RMND5B: variants seen among roughly 807,000 people sequenced by gnomAD.
RMND5B encodes the protein required for meiotic nuclear division 5 homolog B.
In RMND5B, 42 loss-of-function variants were observed where a neutral mutation model predicts 50.4. The ratio of observed to expected loss-of-function variants is 0.83; its 90% CI spans 0.65 to 1.08. RMND5B has a LOEUF of 1.08. RMND5B is among the 50% of genes least tolerant of loss of function. RMND5B has a pLI of 0.00. For synonymous variants in RMND5B, 220 were observed against 210.0 expected (o/e 1.05, Z -0.41); for missense variants, 463 against 508.5 (o/e 0.91, Z 0.86).
intron 2 of RMND5B, among the ~76,000 whole-genome samples, chr5:178,133,887 A>T (rs1395166028): frequency 6.6e-6 from 1 of 151,646 alleles, no homozygotes; most frequent in Non-Finnish European, 1.5e-5. Flanking sequence ...AATTTTTTGT[A>T]TTTTTTTAGT....
chr5:178,137,367 T>C lies in RMND5B; in HGVS notation c.-12-741T>C, dbSNP rs973143825. 3.3e-5 allele frequency among the ~76,000 whole-genome samples: 5 copies of C among 152,116 alleles called. No individual in the cohort carries two copies. In the South Asian group the frequency reaches 1.0e-3, roughly 31 times the overall value. On this transcript the variant is annotated intron_variant, in intron 2 of 10. Transcript: ENST00000313386. The surrounding 1 kb of genome is among the most constrained non-coding windows in gnomAD (Gnocchi z 4.4). Reference sequence around the variant, plus strand: ...TACGTAGAAAAGCAGTTCCTCTAACTGTAAGAATGTGGCCATAATAACTCT... The same window carrying C: ...TACGTAGAAAAGCAGTTCCTCTAACCGTAAGAATGTGGCCATAATAACTCT...
Position 178,148,058 on chromosome 5 carries a change from A to G in RMND5B, c.*26A>G. 1 of 1,610,912 alleles carries G rather than the reference A, an allele frequency of 6.2e-7. No individual in the cohort carries two copies. Among genetic ancestry groups the G allele is most frequent in the South Asian group, 1.1e-5 (1 of 91,008 alleles). ...TTCCTACCTGGAAGGAATTTTGTTGAAAGGGGTTTTCACCTGTGAGCCTTG... is the reference window on the plus strand; with the variant it reads ...TTCCTACCTGGAAGGAATTTTGTTGGAAGGGGTTTTCACCTGTGAGCCTTG... On this transcript the variant is annotated 3_prime_UTR_variant, in exon 11 of 11. Transcript: ENST00000313386.
Position 178,138,433 on chromosome 5 carries a change from C to CA in RMND5B, c.139+178dup. ...CTCTGAGCTACTTCAAAAAGCCCAA[C>CA]AAATTATTAATTTACCTGAGATGAT... On this transcript the variant is annotated intron_variant, in intron 3 of 10. Coordinates refer to ENST00000313386, the MANE Select transcript of RMND5B (RefSeq NM_022762.5). The surrounding 1 kb of genome is among the most constrained non-coding windows in gnomAD (Gnocchi z 5.1). 8 of 1,376,036 alleles carry CA rather than the reference C, an allele frequency of 5.8e-6. No homozygotes were observed. The highest frequency in any genetic ancestry group is 7.5e-6 in the Non-Finnish European group (8 of 1,067,162). The allele number at this position is 1,376,036 out of a possible 1,614,324, so 85.2% of individuals were successfully genotyped here. A position where few individuals can be genotyped will look rare whatever the true frequency, so the allele number is the denominator to read the frequency against.
chr5:178,143,016 A>T, intron 5 of RMND5B, 24 bp downstream of exon 5: 1 of 1,598,774 alleles, frequency 6.3e-7, no homozygotes, highest in Non-Finnish European at 8.5e-7. Flanking sequence ...GGGCGGGCGC[A>T]ACAACCTGCC....
intron 7 of RMND5B, 147 bp from the exon 8 acceptor site, chr5:178,145,967 G>A: frequency 1.4e-6 from 1 of 730,420 alleles, no homozygotes; most frequent in South Asian, 2.3e-5. Flanking sequence ...TTTGCCTGAG[G>A]GCATTTTCAT....
rs1448027868 is a variant in RMND5B, at chr5:178,137,171, A to C, written c.-12-937A>C. ...GGAAGCAGCATGTACCAGGGCACGC[A>C]GCTATGAGACAGCAAGGGTTCTGTG... is the stretch of plus-strand genomic sequence containing the variant. On this transcript the variant is annotated intron_variant, in intron 2 of 10. Transcript: ENST00000313386. The surrounding 1 kb of genome is among the most constrained non-coding windows in gnomAD (Gnocchi z 4.4). Among the ~76,000 whole-genome samples the C allele has an allele frequency of 6.6e-6, 1 of 152,124 alleles. No individual in the cohort carries two copies. The highest frequency in any genetic ancestry group is 1.9e-4 in the East Asian group (1 of 5,194).
At position 178,138,439 on chromosome 5, in the gene RMND5B, AT is replaced by A. The variant is rs1289888023; in HGVS notation, c.139+183del. On this transcript the variant is annotated intron_variant, in intron 3 of 10. Transcript: ENST00000313386. This position sits in a 1 kb window ranked among gnomAD's most constrained non-coding sequence, Gnocchi z 5.1. Reference sequence around the variant, plus strand: ...GCTACTTCAAAAAGCCCAACAAATTATTAATTTACCTGAGATGATTCCCATT... The same window carrying A: ...GCTACTTCAAAAAGCCCAACAAATTATAATTTACCTGAGATGATTCCCATT... The A allele has an allele frequency of 1.5e-6, 2 of 1,371,614 alleles. No individual in the cohort carries two copies. Among genetic ancestry groups the A allele is most frequent in the African/African-American group, 3.0e-5 (2 of 67,466 alleles). 85.0% of individuals were successfully genotyped at this position (1,371,614 alleles called of 1,614,324 possible).
At position 178,150,514 on chromosome 5, in the gene RMND5B, G is replaced by A. The variant is rs1400811164; in HGVS notation, c.*2482G>A. 2.7e-6 allele frequency: 1 copy of A among 367,912 alleles called. No individual in the cohort carries two copies. The highest frequency in any genetic ancestry group is 5.3e-6 in the Non-Finnish European group (1 of 188,594). The allele number at this position is 367,912 out of a possible 1,614,324, so 22.8% of individuals were successfully genotyped here. On this transcript the variant is annotated 3_prime_UTR_variant, in exon 11 of 11. Coordinates refer to ENST00000313386, the MANE Select transcript of RMND5B (RefSeq NM_022762.5). ...CCTGCTTTAGCCTCCCAAGTGGCTG[G>A]GACTACAGGCATGTGCCACCACACC...
rs7710096 is a variant in RMND5B, at chr5:178,138,643, C to G, written c.139+385C>G. Among the ~76,000 whole-genome samples, 2 of 151,296 alleles carry G rather than the reference C, an allele frequency of 1.3e-5. No individual in the cohort carries two copies. The highest frequency in any genetic ancestry group is 2.9e-5 in the Non-Finnish European group (2 of 67,916). ...CCTCCCAAAGTGCTGGAATTATATG[C>G]GTGAGCCACCATGCCTGGCCTATTT... is the stretch of plus-strand genomic sequence containing the variant. On this transcript the variant is annotated intron_variant, in intron 3 of 10. Coordinates refer to ENST00000313386, the MANE Select transcript of RMND5B (RefSeq NM_022762.5). The surrounding 1 kb of genome is among the most constrained non-coding windows in gnomAD (Gnocchi z 5.1).
Position 178,149,682 on chromosome 5 carries a change from G to A in RMND5B, c.*1650G>A, listed in dbSNP as rs944016113. The A allele has an allele frequency of 6.2e-6, 10 of 1,611,562 alleles. No homozygotes were observed. In the Admixed American group the frequency reaches 8.3e-5, roughly 13 times the overall value. On this transcript the variant is annotated 3_prime_UTR_variant, in exon 11 of 11. Transcript: ENST00000313386. ...CCTGCTGCCAGCCCAATAGCTTCCA[G>A]CGGCAGGTGCCCAGGTGCTACCGGA... is the stretch of plus-strand genomic sequence containing the variant.
rs1312572132 is a variant in RMND5B, at chr5:178,147,862, A to T, written c.1097A>T (p.Asn366Ile). 1 of 1,614,082 alleles carries T rather than the reference A, an allele frequency of 6.2e-7. No individual in the cohort carries two copies. Among genetic ancestry groups the T allele is most frequent in the Admixed American group, 1.7e-5 (1 of 60,008 alleles). ...CGHVISRDAL[N>I]KLINGGKLKC... is the part of the protein sequence containing the mutation. ...CATGTTATCTCCCGAGATGCACTCA[A>T]TAAGCTCATTAATGGAGGAAAGTAA... Residue 366 changes from asparagine (N) to isoleucine (I), a missense_variant, in exon 10 of 11, where the codon AAT (asparagine) becomes ATT (isoleucine). Asn to Ile is a moderately radical substitution (Grantham distance 149). Transcript: ENST00000313386.
chr5:178,131,919 G>A (rs983509309), intron 2 of RMND5B, among the ~76,000 whole-genome samples: 1 of 152,214 alleles, frequency 6.6e-6, no homozygotes, highest in African/African-American at 2.4e-5. Context: ...AGGTCAGAGA[G>A]AGGAATGTGG....
At chr5:178,131,640 G>A (rs558086741) in intron 2 of RMND5B, among the ~76,000 whole-genome samples, 2 of 152,192 alleles carry the variant, frequency 1.3e-5, no homozygotes, top group African/African-American at 4.8e-5. Context: ...GGGCGGAGGG[G>A]TCAGTATTAG....
rs1755845204 is a variant in RMND5B, at chr5:178,144,059, C to T, written c.645C>T (p.Ala215=). The T allele has an allele frequency of 1.9e-6, 3 of 1,614,222 alleles. No homozygotes were observed. In the East Asian group the frequency reaches 6.7e-5, roughly 36 times the overall value. ...LAGGPAKQLE[A]LSYARHFQPF... is the part of the protein sequence containing the mutation. Reference sequence around the variant, plus strand: ...GAGGCCCCGCGAAGCAGCTGGAGGCCCTCAGCTATGCTCGGCACTTCCAGC... The same window carrying T: ...GAGGCCCCGCGAAGCAGCTGGAGGCTCTCAGCTATGCTCGGCACTTCCAGC... Residue 215 remains alanine (A), a synonymous_variant, in exon 7 of 11, where the codon GCC becomes GCT. Coordinates refer to ENST00000313386, the MANE Select transcript of RMND5B (RefSeq NM_022762.5).
Position 178,148,017 on chromosome 5 carries a change from A to G in RMND5B, c.1167A>G (p.Lys389=), listed in dbSNP as rs1290026389. Residue 389 remains lysine (K), a synonymous_variant, in exon 11 of 11, where the codon AAA becomes AAG. Transcript: ENST00000313386. ...TGGAGCAGAACCCGGCAGATGGGAA[A>G]CGCATCATATTCTGATTCCTACCTG... ...CPMEQNPADG[K]RIIF The G allele has an allele frequency of 7.4e-6, 12 of 1,613,886 alleles. No individual in the cohort carries two copies. Among genetic ancestry groups the G allele is most frequent in the Non-Finnish European group, 1.0e-5 (12 of 1,179,998 alleles).
Position 178,138,672 on chromosome 5 carries a change from G to A in RMND5B, c.139+414G>A, listed in dbSNP as rs1758756505. Among the ~76,000 whole-genome samples the A allele has an allele frequency of 6.6e-6, 1 of 151,612 alleles. No homozygotes were observed. Among genetic ancestry groups the A allele is most frequent in the South Asian group, 2.1e-4 (1 of 4,810 alleles). On this transcript the variant is annotated intron_variant, in intron 3 of 10. Transcript: ENST00000313386. This position sits in a 1 kb window ranked among gnomAD's most constrained non-coding sequence, Gnocchi z 5.1. ...AGCCACCATGCCTGGCCTATTTTTA[G>A]CTTTTAAGATTTTAAAGATAATTTC...
Position 178,143,540 on chromosome 5 carries a change from GGC to G in RMND5B, c.427-85_427-84del. 4 of 1,049,366 alleles carry G rather than the reference GGC, an allele frequency of 3.8e-6. No individual in the cohort carries two copies. In the South Asian group the frequency reaches 5.3e-5, roughly 14 times the overall value. The allele number at this position is 1,049,366 out of a possible 1,614,324, so 65.0% of individuals were successfully genotyped here. ...AAGCCCAGCTCTCTGGCCTGTCTTT[GGC>G]GGGTGAGCTTTTATTATGTGCATAG... On this transcript the variant is annotated intron_variant, in intron 5 of 10. Coordinates refer to ENST00000313386, the MANE Select transcript of RMND5B (RefSeq NM_022762.5).
intron 7 of RMND5B, among the ~76,000 whole-genome samples, chr5:178,145,288 C>A (rs1377322860): frequency 7.2e-5 from 11 of 151,944 alleles, no homozygotes; most frequent in Non-Finnish European, 1.3e-4. Context: ...AGATCGAGAC[C>A]ATCCTGGCCA....
At chr5:178,139,710 ATTT>A (rs113719288) in intron 3 of RMND5B, among the ~76,000 whole-genome samples, 5,048 of 129,794 alleles carry the variant, frequency 0.039, 78 homozygotes, top group East Asian at 0.11. Flanking sequence ...TGCCTGGCTA[ATTT>A]TTTTTTTTTT....
Sources: allele counts gnomAD v4.1 joint callset (sites outside exome capture counted in the v4.1 genomes callset), GRCh38; gene constraint gnomAD v4.1.1; non-coding constraint Gnocchi (gnomAD v3.1); transcripts MANE v1.5; gene names NCBI Gene and HGNC (gene_info 2026-07-23, HGNC 2026-07-21).